The following ENTREP2 variants were observed in gnomAD, a reference collection of about 807,000 sequenced individuals.
ENTREP2 encodes the protein endosomal transmembrane epsin interactor 2.
the ENTREP2 span, among the ~76,000 whole-genome samples, chr15:29,638,453 A>G: frequency 2.0e-5 from 3 of 152,244 alleles, no homozygotes; most frequent in African/African-American, 7.2e-5. Context: ...CCACTGTTTT[A>G]CCTTCTGCAT....
the ENTREP2 span, among the ~76,000 whole-genome samples, chr15:29,516,078 G>T: frequency 2.0e-5 from 3 of 152,098 alleles, no homozygotes; most frequent in Non-Finnish European, 2.9e-5. Flanking sequence ...TGCATATTAG[G>T]ATTTCCTGGA....
the ENTREP2 span, among the ~76,000 whole-genome samples, chr15:29,274,663 T>C: frequency 2.6e-5 from 4 of 152,188 alleles, no homozygotes; most frequent in Admixed American, 1.3e-4. Context: ...AGGAAAATAT[T>C]TGAGGACTAC....
chr15:29,287,820 A>G, the ENTREP2 span, among the ~76,000 whole-genome samples: 1,334 of 152,340 alleles, frequency 8.8e-3, 6 homozygotes, highest in Non-Finnish European at 0.014. Flanking sequence ...TGAACAACAA[A>G]ATGCTGATGT....
At chr15:29,530,923 T>A in the ENTREP2 span, among the ~76,000 whole-genome samples, 1 of 152,184 alleles carries the variant, frequency 6.6e-6, no homozygotes, top group South Asian at 2.1e-4. Flanking sequence ...TTGAGCCCTG[T>A]CCTTGATCTC....
the ENTREP2 span, among the ~76,000 whole-genome samples, chr15:29,543,362 G>T: frequency 1.3e-5 from 2 of 152,162 alleles, no homozygotes; most frequent in African/African-American, 4.8e-5. Flanking sequence ...TTGGTCTCAG[G>T]TACTTAGTGA....
the ENTREP2 span, among the ~76,000 whole-genome samples, chr15:29,395,459 T>C: frequency 2.6e-5 from 4 of 152,164 alleles, no homozygotes; most frequent in South Asian, 8.3e-4. Context: ...AATTACCATA[T>C]GGCTATTATT....
At chr15:29,136,380 G>A in the ENTREP2 span, 22 of 1,509,554 alleles carry the variant, frequency 1.5e-5, no homozygotes, top group African/African-American at 1.7e-4. Flanking sequence ...CTGGCAGGGG[G>A]CTGGCCCACC....
the ENTREP2 span, among the ~76,000 whole-genome samples, chr15:29,553,146 A>G: frequency 6.6e-6 from 1 of 152,176 alleles, no homozygotes; most frequent in African/African-American, 2.4e-5. Flanking sequence ...AAATACAAAA[A>G]TTAGCCACTT....
At chr15:29,615,149 A>T in the ENTREP2 span, among the ~76,000 whole-genome samples, 9 of 146,524 alleles carry the variant, frequency 6.1e-5, no homozygotes, top group South Asian at 4.4e-4. Context: ...TCTCTCACAA[A>T]TTTTTTTTTC....
At chr15:29,576,590 T>C in the ENTREP2 span, among the ~76,000 whole-genome samples, 3 of 152,354 alleles carry the variant, frequency 2.0e-5, no homozygotes, top group African/African-American at 7.2e-5. Flanking sequence ...CAGAGATATA[T>C]GCCATGTATT....
chr15:29,146,425 A>C, the ENTREP2 span, among the ~76,000 whole-genome samples: 1 of 152,226 alleles, frequency 6.6e-6, no homozygotes, highest in South Asian at 2.1e-4. Flanking sequence ...CAGCAATCGA[A>C]ACCATGTGGC....
the ENTREP2 span, among the ~76,000 whole-genome samples, chr15:29,296,803 G>C: frequency 6.6e-6 from 1 of 152,098 alleles, no homozygotes; most frequent in African/African-American, 2.4e-5. Context: ...GAGCTTTCTA[G>C]AAAGGCCATC....
the ENTREP2 span, among the ~76,000 whole-genome samples, chr15:29,595,687 T>C: frequency 6.6e-6 from 1 of 152,192 alleles, no homozygotes; most frequent in Non-Finnish European, 1.5e-5. Context: ...CTTTACTTAT[T>C]TACTGGACTG....
the ENTREP2 span, among the ~76,000 whole-genome samples, chr15:29,250,082 T>C: frequency 6.6e-6 from 1 of 152,072 alleles, no homozygotes; most frequent in Non-Finnish European, 1.5e-5. Context: ...GGATTGCAAC[T>C]GAACATGAGA....
the ENTREP2 span, among the ~76,000 whole-genome samples, chr15:29,520,413 T>A: frequency 6.6e-6 from 1 of 152,196 alleles, no homozygotes; most frequent in Non-Finnish European, 1.5e-5. Context: ...CCATTCAACC[T>A]GTGATATGTG....
chr15:29,635,908 C>T, the ENTREP2 span, among the ~76,000 whole-genome samples: 1 of 152,190 alleles, frequency 6.6e-6, no homozygotes, highest in African/African-American at 2.4e-5. Flanking sequence ...GAGCCAGGTC[C>T]CTTCCACATT....
the ENTREP2 span, among the ~76,000 whole-genome samples, chr15:29,310,456 G>C: frequency 6.6e-6 from 1 of 152,184 alleles, no homozygotes; most frequent in Non-Finnish European, 1.5e-5. Flanking sequence ...AGAGGGAAGA[G>C]CAAGAACCCA....
At chr15:29,557,473 A>C in the ENTREP2 span, among the ~76,000 whole-genome samples, 2 of 151,842 alleles carry the variant, frequency 1.3e-5, no homozygotes, top group Non-Finnish European at 2.9e-5. Context: ...CCCTCTCTCC[A>C]CCCTCCCCAA....
chr15:29,425,038 T>C, the ENTREP2 span, among the ~76,000 whole-genome samples: 1 of 152,154 alleles, frequency 6.6e-6, no homozygotes, highest in Non-Finnish European at 1.5e-5. Context: ...TGTTTTGTTT[T>C]TGTTTTTTGA....
Sources: gnomAD v4.1 joint callset for allele counts (sites outside exome capture counted in the v4.1 genomes callset) on GRCh38, gnomAD v4.1.1 for gene constraint, MANE v1.5 for transcripts, NCBI Gene and HGNC (gene_info 2026-07-23, HGNC 2026-07-21) for gene names.